STAU2: variants seen among roughly 807,000 people sequenced by gnomAD.
The protein encoded by STAU2 is double-stranded RNA-binding protein Staufen homolog 2.
STAU2 carries 20 observed loss-of-function variants against 65.9 expected under a neutral mutation model. The ratio of observed to expected loss-of-function variants is 0.30; its 90% CI spans 0.21 to 0.44. The LOEUF is 0.44. Ranked by LOEUF, STAU2 falls within the 20% of genes least tolerant of loss-of-function variation. STAU2 has a pLI of 1.00. For synonymous variants in STAU2, 232 were observed against 233.9 expected (o/e 0.99, Z 0.07); for missense variants, 558 against 683.9 (o/e 0.82, Z 2.05).
chr8:73,685,826 C>T (rs1244055296), intron 5 of STAU2, among the ~76,000 whole-genome samples: 2 of 152,162 alleles, frequency 1.3e-5, no homozygotes. Flanking sequence ...GAAAATAAGT[C>T]ATTATATGAA....
intron 6 of STAU2, among the ~76,000 whole-genome samples, chr8:73,638,814 C>A (rs1653163166): frequency 6.6e-6 from 1 of 151,468 alleles, no homozygotes; most frequent in Non-Finnish European, 1.5e-5. Flanking sequence ...GAAATGATCA[C>A]ATGACCTGAG....
intron 4 of STAU2, among the ~76,000 whole-genome samples, chr8:73,695,782 G>A (rs537328926): frequency 1.3e-5 from 2 of 152,266 alleles, no homozygotes; most frequent in East Asian, 3.9e-4. Context: ...AGGTTCCTCT[G>A]CCTGTGGAAA....
intron 12 of STAU2, among the ~76,000 whole-genome samples, chr8:73,563,318 G>GC (rs1009707039): frequency 2.0e-5 from 3 of 152,100 alleles, no homozygotes; most frequent in East Asian, 1.9e-4. Context: ...GTAATAGGAT[G>GC]CCCCCCACCT....
At chr8:73,429,413 CTTTTTTTTT>C (rs71561522) in intron 13 of STAU2, among the ~76,000 whole-genome samples, 16 of 65,370 alleles carry the variant, frequency 2.4e-4, no homozygotes, top group South Asian at 4.8e-4. Flanking sequence ...TTGCTCAGGT[CTTTTTTTTT>C]TTTTTTTTTT....
At chr8:73,442,540 A>AC (rs1265346258) in intron 13 of STAU2, among the ~76,000 whole-genome samples, 2 of 151,968 alleles carry the variant, frequency 1.3e-5, no homozygotes, top group Non-Finnish European at 2.9e-5. Context: ...ACCTACCTCC[A>AC]CCCCTAAATG....
At chr8:73,668,605 C>A (rs1428047259) in intron 6 of STAU2, among the ~76,000 whole-genome samples, 1 of 152,114 alleles carries the variant, frequency 6.6e-6, no homozygotes, top group East Asian at 1.9e-4. Context: ...CAAGCTTTAC[C>A]TTGTACTTTG....
intron 1 of STAU2, among the ~76,000 whole-genome samples, chr8:73,745,180 G>C (rs915769918): frequency 9.2e-5 from 14 of 152,228 alleles, no homozygotes; most frequent in African/African-American, 3.4e-4. Context: ...TGGCATAACT[G>C]CTTCGCAAAT....
At chr8:73,480,485 T>C (rs1392100165) in intron 13 of STAU2, among the ~76,000 whole-genome samples, 1 of 152,158 alleles carries the variant, frequency 6.6e-6, no homozygotes, top group Non-Finnish European at 1.5e-5. Flanking sequence ...GATTTTGCTG[T>C]GGACATGAGA....
rs548167794 is a variant in STAU2, at chr8:73,521,169, C to T, written c.1530+30843G>A. On this transcript the variant is annotated intron_variant, in intron 13 of 14. Transcript: ENST00000524300. Reference sequence around the variant, plus strand: ...AGACATTACAGCCTAATGACTCAGGCGAGGAGAATTTTAATTAATCAGAGA... The same window carrying T: ...AGACATTACAGCCTAATGACTCAGGTGAGGAGAATTTTAATTAATCAGAGA... 2.6e-5 allele frequency among the ~76,000 whole-genome samples: 4 copies of T among 152,096 alleles called. No individual in the cohort carries two copies. In the East Asian group the frequency reaches 5.8e-4, roughly 22 times the overall value.
At chr8:73,640,039 T>C (rs1248717995) in intron 6 of STAU2, among the ~76,000 whole-genome samples, 1 of 152,104 alleles carries the variant, frequency 6.6e-6, no homozygotes, top group Non-Finnish European at 1.5e-5. Context: ...AATATGATCA[T>C]ATGAAATAAT....
chr8:73,469,537 G>A (rs1819860454), intron 13 of STAU2, among the ~76,000 whole-genome samples: 1 of 151,652 alleles, frequency 6.6e-6, no homozygotes, highest in African/African-American at 2.4e-5. Context: ...AAGGAGACGG[G>A]ACAGATGTGG....
intron 5 of STAU2, among the ~76,000 whole-genome samples, chr8:73,682,671 C>G (rs1197551224): frequency 6.6e-6 from 1 of 151,938 alleles, no homozygotes; most frequent in Non-Finnish European, 1.5e-5. Flanking sequence ...ATAAATAAAA[C>G]AAAAAGTTGG....
chr8:73,586,645 G>GCAAAAAAAAAAAAAAAAAAAAAAA (rs1810399106), intron 11 of STAU2, among the ~76,000 whole-genome samples: 1 of 32,084 alleles, frequency 3.1e-5, no homozygotes, highest in Non-Finnish European at 5.7e-5. Context: ...GAAAAAAAAT[G>GCAAAAAAAAAAAAAAAAAAAAAAA]CAAAAAAAAA....
At position 73,422,800 on chromosome 8, in the gene STAU2, G is replaced by C. The variant is rs1158918395; in HGVS notation, c.1531-98C>G. On this transcript the variant is annotated intron_variant, in intron 13 of 14. Transcript: ENST00000524300. The stretch of plus-strand genomic sequence containing the variant: ...GAGATAGAAAGACTCATTTTCATTA[G>C]TCTACATAATTTTTTTTTGCATTGT... The C allele has an allele frequency of 8.4e-6, 6 of 715,886 alleles. No homozygotes were observed. The Admixed American group carries it at 1.4e-4, about 17-fold the overall frequency. 44.3% of individuals were successfully genotyped at this position (715,886 alleles called of 1,614,324 possible). A position where few individuals can be genotyped will look rare whatever the true frequency, so the allele number is the denominator to read the frequency against.
chr8:73,596,601 T>C (rs528149956), intron 10 of STAU2, among the ~76,000 whole-genome samples: 2 of 152,298 alleles, frequency 1.3e-5, no homozygotes, highest in South Asian at 2.1e-4. Flanking sequence ...TGGTGGCTTA[T>C]ACCTGTAATT....
Position 73,544,872 on chromosome 8 carries a change from C to T in STAU2, c.1530+7140G>A, listed in dbSNP as rs560863975. Among the ~76,000 whole-genome samples the T allele has an allele frequency of 3.3e-5, 5 of 152,266 alleles. No homozygotes were observed. The East Asian group carries it at 9.6e-4, about 29-fold the overall frequency. On this transcript the variant is annotated intron_variant, in intron 13 of 14. Coordinates refer to ENST00000524300, the MANE Select transcript of STAU2 (RefSeq NM_001164380.2). Reference sequence around the variant, plus strand: ...GATCCCAGGAGACAGGATTTGTGGCCGTGGGTTATCTTCTTCTGCATATTG... The same window carrying T: ...GATCCCAGGAGACAGGATTTGTGGCTGTGGGTTATCTTCTTCTGCATATTG...
At chr8:73,667,563 T>A (rs1817330519) in intron 6 of STAU2, among the ~76,000 whole-genome samples, 1 of 152,216 alleles carries the variant, frequency 6.6e-6, no homozygotes, top group Non-Finnish European at 1.5e-5. Context: ...TCATCCCTCC[T>A]GGAAGGCTTC....
At chr8:73,548,384 A>G (rs1807083886) in intron 13 of STAU2, among the ~76,000 whole-genome samples, 1 of 152,060 alleles carries the variant, frequency 6.6e-6, no homozygotes, top group East Asian at 1.9e-4. Flanking sequence ...GAGACCAGCC[A>G]CCACCCCCCC....
In STAU2 at chr8:73,542,676, C is replaced by T. The variant is rs992048443; in HGVS notation, c.1530+9336G>A. Among the ~76,000 whole-genome samples, 10 of 152,040 alleles carry T rather than the reference C, an allele frequency of 6.6e-5. No homozygotes were observed. In the East Asian group the frequency reaches 1.3e-3, roughly 20 times the overall value. On this transcript the variant is annotated intron_variant, in intron 13 of 14. Transcript: ENST00000524300. ...AACTGAGTAAAAGATGTGGACACTT[C>T]GCAAAGATACACAAATGACCAATAA... is the stretch of plus-strand genomic sequence containing the variant.
Sources: gnomAD v4.1 joint callset for allele counts (sites outside exome capture counted in the v4.1 genomes callset) on GRCh38, gnomAD v4.1.1 for gene constraint, MANE v1.5 for transcripts, NCBI Gene and HGNC (gene_info 2026-07-23, HGNC 2026-07-21) for gene names.